Variants in MCF2 observed in about 807,000 individuals in gnomAD.
The protein encoded by MCF2 is proto-oncogene DBL.
In MCF2, 44 loss-of-function variants were observed where a neutral mutation model predicts 82.5. That is an observed-to-expected ratio of 0.53 (90% CI 0.42 to 0.69). The LOEUF (loss-of-function observed/expected upper bound fraction) is 0.69, where lower values mean the gene tolerates loss of function less well. Among genes scored for constraint, MCF2 ranks in the 30% least tolerant of loss-of-function variants. The pLI is 0.00. For missense variants in MCF2, 623 were observed against 663.1 expected (o/e 0.94, Z 0.66); for synonymous variants, 217 against 224.9 (o/e 0.96, Z 0.32).
At chrX:139,667,827 C>T (rs757980328) in intron 1 of MCF2, among the ~76,000 whole-genome samples, 10 of 111,816 alleles carry the variant, frequency 8.9e-5, no homozygotes, top group South Asian at 3.8e-4. Flanking sequence ...TCTCACACTC[C>T]GATCCCAGTG....
intron 1 of MCF2, among the ~76,000 whole-genome samples, chrX:139,684,237 A>G (rs1333882241): frequency 8.9e-6 from 1 of 112,633 alleles, no homozygotes; most frequent in African/African-American, 3.2e-5. Context: ...GGTGCTCAAC[A>G]TCACTAGTCA....
chrX:139,630,615 G>T, intron 3 of MCF2, among the ~76,000 whole-genome samples: 1 of 112,379 alleles, frequency 8.9e-6, no homozygotes, highest in Non-Finnish European at 1.9e-5. Flanking sequence ...ATTGTTGAAT[G>T]AATGCATTGT....
At chrX:139,677,596 C>T (rs1245636488) in intron 1 of MCF2, among the ~76,000 whole-genome samples, 5 of 111,595 alleles carry the variant, frequency 4.5e-5, no homozygotes, top group Non-Finnish European at 1.9e-5. Context: ...CTTCTCCAAA[C>T]AATCACAAAG....
chrX:139,631,284 T>TTTTTG (rs377694321), intron 3 of MCF2, 111 bp downstream of exon 6: 12,627 of 436,782 alleles, frequency 0.029, 839 homozygotes, highest in East Asian at 0.22. Flanking sequence ...AGCTGGGGTT[T>TTTTTG]TTTTGTTTTG....
At chrX:139,602,672 G>A (rs1236093420) in intron 15 of MCF2, among the ~76,000 whole-genome samples, 174 bp from the exon 20 acceptor site, 2 of 112,294 alleles carry the variant, frequency 1.8e-5, no homozygotes, top group African/African-American at 6.5e-5. Context: ...CATGCCCATT[G>A]CATCTGGTGG....
chrX:139,639,748 C>A (rs1326841113), intron 1 of MCF2, among the ~76,000 whole-genome samples: 1 of 111,865 alleles, frequency 8.9e-6, no homozygotes, highest in Non-Finnish European at 1.9e-5. Context: ...TCACCCTATG[C>A]ACACTTTTCA....
At chrX:139,640,636 G>T (rs1933506932) in intron 1 of MCF2, among the ~76,000 whole-genome samples, 1 of 111,060 alleles carries the variant, frequency 9.0e-6, no homozygotes, top group South Asian at 3.8e-4. Flanking sequence ...GATGTTACCT[G>T]TCCACAGCCT....
At chrX:139,689,733 T>C (rs1425415942) in intron 1 of MCF2, among the ~76,000 whole-genome samples, 3 of 109,921 alleles carry the variant, frequency 2.7e-5, no homozygotes, top group Non-Finnish European at 5.7e-5. Flanking sequence ...TGGACATTTG[T>C]GTGCATCTCT....
At chrX:139,590,373 G>T (rs1359070663) in intron 19 of MCF2, among the ~76,000 whole-genome samples, 1 of 110,646 alleles carries the variant, frequency 9.0e-6, no homozygotes, top group East Asian at 2.8e-4. Flanking sequence ...TTTGATAGAA[G>T]TCCTACAAGT....
upstream of MCF2, among the ~76,000 whole-genome samples, chrX:139,646,216 A>T (rs1055408915): frequency 3.6e-5 from 4 of 111,947 alleles, no homozygotes; most frequent in East Asian, 8.4e-4. Flanking sequence ...TTTGAATTTT[A>T]TCATCCTAGA....
rs142193004 is a variant in MCF2, at chrX:139,688,642, C to T, written c.-45+19464G>A. On this transcript the variant is annotated intron_variant, in intron 1 of 27. Transcript: ENST00000414978. ...AGATCAGAATAGCTTACATTCTTTC[C>T]TCCTGTGATGAATACAAGACGTTTC... 9.8e-3 allele frequency among the ~76,000 whole-genome samples: 1,095 copies of T among 111,917 alleles called. 10 individuals carry two copies. Among genetic ancestry groups the T allele is most frequent in the African/African-American group, 0.034 (1,035 of 30,758 alleles).
intron 20 of MCF2, among the ~76,000 whole-genome samples, chrX:139,589,023 T>C (rs758071745): frequency 9.0e-5 from 10 of 111,626 alleles, no homozygotes; most frequent in Non-Finnish European, 3.8e-5. Context: ...ATTTTGTCTT[T>C]ACAGGAGGAT....
intron 1 of MCF2, among the ~76,000 whole-genome samples, chrX:139,668,095 G>A (rs1180401840): frequency 3.6e-5 from 4 of 111,647 alleles, no homozygotes; most frequent in African/African-American, 1.3e-4. Flanking sequence ...TCCCTTTCTA[G>A]CACCGGCAGC....
intron 10 of MCF2, among the ~76,000 whole-genome samples, chrX:139,613,501 G>A (rs951136744): frequency 9.0e-6 from 1 of 111,482 alleles, no homozygotes; most frequent in African/African-American, 3.3e-5. Flanking sequence ...AGTTTATCAA[G>A]TATTTTTTTA....
chrX:139,646,898 G>A (rs1262396173), upstream of MCF2: 12 of 1,093,073 alleles, frequency 1.1e-5, no homozygotes, highest in South Asian at 2.0e-5. Context: ...TCCTTTCCCC[G>A]GCCACCTACA....
intron 22 of MCF2, among the ~76,000 whole-genome samples, chrX:139,586,846 A>G (rs1040268434): frequency 1.8e-5 from 2 of 111,670 alleles, no homozygotes; most frequent in East Asian, 5.6e-4. Context: ...CATATTGTTG[A>G]GTATGTACCA....
rs747753988 is a variant in MCF2 at position 139,586,523 on chromosome X, G to T, written c.2523-36C>A. ...GATGTATAAAACTAAGTGAGCTTTTGTACAGTTTACAAGTAAAAAGAAATT... is the reference window on the plus strand; with the variant it reads ...GATGTATAAAACTAAGTGAGCTTTTTTACAGTTTACAAGTAAAAAGAAATT... On this transcript the variant is annotated intron_variant, in intron 22 of 24. Transcript: ENST00000370576. 5.2e-6 allele frequency: 5 copies of T among 968,965 alleles called. No homozygotes were observed. In the South Asian group the frequency reaches 6.0e-5, roughly 12 times the overall value. 79.9% of individuals were successfully genotyped at this position (968,965 alleles called of 1,213,427 possible).
chrX:139,603,349 C>T (rs750391352), intron 15 of MCF2, among the ~76,000 whole-genome samples: 155 of 112,280 alleles, frequency 1.4e-3, no homozygotes, highest in African/African-American at 4.9e-3. Flanking sequence ...GATATGGACT[C>T]TCGTTCTAAG....
At position 139,616,978 on chromosome X, in the gene MCF2, T is replaced by C. The variant is rs752061651; in HGVS notation, c.1000-505A>G. ...TAATGTCTGTAAGTGATACCCCTAT[T>C]TTATATTCCACTGCCAACACCAGGT... On this transcript the variant is annotated intron_variant, in intron 8 of 24. Transcript: ENST00000370576. Among the ~76,000 whole-genome samples, 6 of 111,774 alleles carry C rather than the reference T, an allele frequency of 5.4e-5. No individual in the cohort carries two copies. The East Asian group carries it at 1.4e-3, about 26-fold the overall frequency.
Sources: gnomAD v4.1 joint callset for allele counts (sites outside exome capture counted in the v4.1 genomes callset) on GRCh38, gnomAD v4.1.1 for gene constraint, MANE v1.5 for transcripts, NCBI Gene and HGNC (gene_info 2026-07-23, HGNC 2026-07-21) for gene names.